The following VWA3B variants were observed in gnomAD, a reference collection of about 807,000 sequenced individuals.
VWA3B encodes von Willebrand factor A domain containing 3B.
VWA3B carries 138 observed loss-of-function variants against 158.3 expected under a neutral mutation model. That is an observed-to-expected ratio of 0.87 (90% CI 0.76 to 1.00). The LOEUF (loss-of-function observed/expected upper bound fraction) is 1.00, where lower values mean the gene tolerates loss of function less well. Ranked by LOEUF, VWA3B falls within the 50% of genes least tolerant of loss-of-function variation. The pLI is 0.00. For missense variants in VWA3B, 1,555 were observed against 1,565.1 expected, an observed-to-expected ratio of 0.99 and a Z score of 0.11; for synonymous variants, 596 against 587.3, an observed-to-expected ratio of 1.01 and a Z score of -0.21.
chr2:98,135,446 C>T (rs930375474), intron 7 of VWA3B, among the ~76,000 whole-genome samples: 6 of 144,000 alleles, frequency 4.2e-5, no homozygotes, highest in African/African-American at 1.6e-4. Context: ...CGCCATTCTC[C>T]TGCCTCAGCC....
intron 8 of VWA3B, among the ~76,000 whole-genome samples, chr2:98,165,247 A>AGACAGGTGCTACTGCTAGTATTATC (rs1678969838): frequency 1.3e-5 from 2 of 152,216 alleles, no homozygotes; most frequent in African/African-American, 4.8e-5. Context: ...CAATCTTAAG[A>AGACAGGTGCTACTGCTAGTATTATC]GACAGGTGCT....
At chr2:98,142,164 C>T (rs903894686) in intron 7 of VWA3B, among the ~76,000 whole-genome samples, 2 of 152,140 alleles carry the variant, frequency 1.3e-5, no homozygotes, top group Admixed American at 6.5e-5. Context: ...TGGAAAATCA[C>T]ACCATAAATA....
intron 7 of VWA3B, among the ~76,000 whole-genome samples, chr2:98,154,258 A>G (rs558499977): frequency 6.6e-6 from 1 of 152,300 alleles, no homozygotes; most frequent in South Asian, 2.1e-4. Context: ...AGGGTTGAGG[A>G]GGAGGAGATT....
chr2:98,110,080 C>CT (rs541914854), intron 2 of VWA3B, among the ~76,000 whole-genome samples: 35,188 of 144,962 alleles, frequency 0.24, 4,585 homozygotes, highest in African/African-American at 0.36. Context: ...TCTTTGAATT[C>CT]TTTTTTTTTT....
chr2:98,302,303 A>G (rs1276454629), intron 25 of VWA3B, among the ~76,000 whole-genome samples: 1 of 152,186 alleles, frequency 6.6e-6, no homozygotes, highest in African/African-American at 2.4e-5. Context: ...TGCACTTGCC[A>G]AACTGGCTTC....
rs1258880372 is a variant in VWA3B at position 98,312,658 on chromosome 2, A to G, written c.*309A>G. 1.0e-5 allele frequency: 3 copies of G among 299,736 alleles called. No individual in the cohort carries two copies. In the East Asian group the frequency reaches 1.8e-4, roughly 18 times the overall value. The allele number at this position is 299,736 out of a possible 1,614,324, so 18.6% of individuals were successfully genotyped here. ...TTTTAACCTGAAGGATGACTGTCACAGGACTTTCAAATTGTTTAGCAGTCA... is the reference window on the plus strand; with the variant it reads ...TTTTAACCTGAAGGATGACTGTCACGGGACTTTCAAATTGTTTAGCAGTCA... On this transcript the variant is annotated 3_prime_UTR_variant, in exon 28 of 28. Coordinates refer to ENST00000477737, the MANE Select transcript of VWA3B (RefSeq NM_144992.5).
In VWA3B at chr2:98,300,087, T is replaced by C. The variant is rs191920762; in HGVS notation, c.3291T>C (p.Asp1097=). ...AMPCPLLQVG[D]YVFAKIVIPK... is the part of the protein sequence containing the mutation. The stretch of plus-strand genomic sequence containing the variant: ...TATGTTCTCCTCTGCAGGTTGGAGA[T>C]TATGTGTTTGCCAAAATTGTGATAC... Residue 1097 remains aspartate, a synonymous_variant, in exon 25 of 28, where the codon GAT becomes GAC. Transcript: ENST00000477737. 9,176 of 1,614,194 alleles carry C rather than the reference T, an allele frequency of 5.7e-3. 86 individuals are homozygous for C. Among genetic ancestry groups the C allele is most frequent in the South Asian group, 0.029 (2,620 of 91,078 alleles).
intron 6 of VWA3B, among the ~76,000 whole-genome samples, chr2:98,129,972 T>G (rs1210829600): frequency 6.6e-6 from 1 of 152,088 alleles, no homozygotes; most frequent in Non-Finnish European, 1.5e-5. Context: ...ACACAAAGTA[T>G]AGAGAAAGAA....
At chr2:98,124,914 G>A (rs1675238984) in intron 5 of VWA3B, among the ~76,000 whole-genome samples, 1 of 152,150 alleles carries the variant, frequency 6.6e-6, no homozygotes, top group African/African-American at 2.4e-5. Flanking sequence ...GATAGAATAA[G>A]GAATTTCAAG....
intron 25 of VWA3B, among the ~76,000 whole-genome samples, chr2:98,301,640 T>C (rs1212272582): frequency 6.6e-6 from 1 of 152,140 alleles, no homozygotes; most frequent in East Asian, 1.9e-4. Flanking sequence ...AATGACTCGG[T>C]TAACTGTATC....
chr2:98,218,141 C>A (rs1684191581), intron 14 of VWA3B, 113 bp downstream of exon 14: 1 of 1,189,370 alleles, frequency 8.4e-7, no homozygotes. Context: ...ATAACTAAGT[C>A]AAAAAAATGA....
At chr2:98,328,083 T>C in the VWA3B span, among the ~76,000 whole-genome samples, 1 of 152,180 alleles carries the variant, frequency 6.6e-6, no homozygotes, top group African/African-American at 2.4e-5. Flanking sequence ...GGAGGTCTCA[T>C]GCTACAAGGG....
chr2:98,276,392 C>A (rs1688523354), intron 22 of VWA3B, among the ~76,000 whole-genome samples: 1 of 152,164 alleles, frequency 6.6e-6, no homozygotes, highest in Admixed American at 6.5e-5. Flanking sequence ...ATCAGAGATG[C>A]AAGTCATTTT....
intron 14 of VWA3B, 83 bp downstream of exon 14, chr2:98,218,111 G>A (rs2105603659): frequency 1.4e-6 from 2 of 1,402,724 alleles, no homozygotes; most frequent in Non-Finnish European, 1.9e-6. Context: ...ACCTTCGTTG[G>A]GAAAATAGCA....
At chr2:98,179,466 G>A (rs1417752685) in intron 8 of VWA3B, 1 of 403,428 alleles carries the variant, frequency 2.5e-6, no homozygotes, top group Non-Finnish European at 5.0e-6. Flanking sequence ...GGCACATGAG[G>A]TTTCTGAGCC....
chr2:98,250,094 G>A (rs62156724), intron 19 of VWA3B, among the ~76,000 whole-genome samples: 20,419 of 152,006 alleles, frequency 0.13, 2,092 homozygotes, highest in Non-Finnish European at 0.2. Flanking sequence ...TGTATGTGGT[G>A]GTAGTGATTT....
intron 2 of VWA3B, among the ~76,000 whole-genome samples, chr2:98,095,928 A>G (rs894445598): frequency 6.6e-5 from 10 of 152,116 alleles, no homozygotes; most frequent in African/African-American, 2.4e-4. Context: ...CCATTTACTG[A>G]TTTGCATATG....
intron 22 of VWA3B, among the ~76,000 whole-genome samples, chr2:98,287,278 C>T (rs1689222574): frequency 6.6e-6 from 1 of 152,146 alleles, no homozygotes. Context: ...GGTAAACCCA[C>T]CACTAGCTTG....
In VWA3B at chr2:98,193,172, G is replaced by C. The variant is rs569885294; in HGVS notation, c.1605+136G>C. On this transcript the variant is annotated intron_variant, in intron 11 of 27. Transcript: ENST00000477737. ...GAAGTACTCCCTTTTGTTAGTTAAA[G>C]AATCATCAGTTCTCTTTTGCAAATA... 65 of 1,169,172 alleles carry C rather than the reference G, an allele frequency of 5.6e-5. 2 individuals carry two copies. The South Asian group carries it at 9.7e-4, about 17-fold the overall frequency. The allele number at this position is 1,169,172 out of a possible 1,614,324, so 72.4% of individuals were successfully genotyped here. A position where few individuals can be genotyped will look rare whatever the true frequency, so the allele number is the denominator to read the frequency against.
Sources: allele counts gnomAD v4.1 joint callset (sites outside exome capture counted in the v4.1 genomes callset), GRCh38; gene constraint gnomAD v4.1.1; transcripts MANE v1.5; gene names NCBI Gene and HGNC (gene_info 2026-07-23, HGNC 2026-07-21).